Variants in RASAL2 observed in about 807,000 individuals in gnomAD.
RASAL2 encodes the protein RAS protein activator like 2.
A neutral mutation model predicts 128.9 loss-of-function variants in RASAL2; 58 were observed. That is an observed-to-expected ratio of 0.45 (90% CI 0.36 to 0.56). The LOEUF (loss-of-function observed/expected upper bound fraction) is 0.56, where lower values mean the gene tolerates loss of function less well. Ranked by LOEUF, RASAL2 falls within the 20% of genes least tolerant of loss-of-function variation. The pLI, the probability that RASAL2 is intolerant of heterozygous loss-of-function variation, is 0.00. For synonymous variants in RASAL2, 561 were observed against 580.8 expected (o/e 0.97, Z 0.49); for missense variants, 1,360 against 1,601.6 (o/e 0.85, Z 2.57).
At chr1:178,359,173 CGTTTTTT>C (rs1235046529) in intron 3 of RASAL2, among the ~76,000 whole-genome samples, 3 of 152,176 alleles carry the variant, frequency 2.0e-5, no homozygotes, top group Non-Finnish European at 4.4e-5. Flanking sequence ...AATGTCAACA[CGTTTTTT>C]GTTTTTTGTT....
At chr1:178,309,524 G>A (rs1319211157) in intron 3 of RASAL2, among the ~76,000 whole-genome samples, 15 of 152,060 alleles carry the variant, frequency 9.9e-5, no homozygotes, top group Admixed American at 9.8e-4. Flanking sequence ...AACCATGAGT[G>A]ACTATATATT....
chr1:178,281,131 T>C (rs10047148), intron 1 of RASAL2, among the ~76,000 whole-genome samples: 15,536 of 151,874 alleles, frequency 0.1, 828 homozygotes, highest in Middle Eastern at 0.14. Flanking sequence ...TTGTTTTTTT[T>C]CCCCCCTTGG....
At chr1:178,137,004 T>C (rs1660351723) in intron 1 of RASAL2, among the ~76,000 whole-genome samples, 2 of 152,068 alleles carry the variant, frequency 1.3e-5, no homozygotes, top group South Asian at 4.1e-4. Context: ...AGCCAGATCT[T>C]AAGGGCCTCT....
At chr1:178,277,185 A>T (rs2102193778) in intron 1 of RASAL2, among the ~76,000 whole-genome samples, 1 of 151,734 alleles carries the variant, frequency 6.6e-6, no homozygotes, top group East Asian at 1.9e-4. Flanking sequence ...AAACTTGTTA[A>T]TTGGCCTATT....
intron 1 of RASAL2, among the ~76,000 whole-genome samples, chr1:178,191,100 GAATTGTTAGCATGATCCTT>G: frequency 1.3e-5 from 2 of 152,258 alleles, no homozygotes; most frequent in East Asian, 3.9e-4. Flanking sequence ...CAGCCTAGCT[GAATTGTTAGCATGATCCTT>G]AATTAAAATC....
At chr1:178,128,861 T>A (rs977925603) in intron 1 of RASAL2, among the ~76,000 whole-genome samples, 1 of 152,134 alleles carries the variant, frequency 6.6e-6, no homozygotes, top group Non-Finnish European at 1.5e-5. Context: ...GAATTAGTAC[T>A]TCATTCTTTT....
rs768739345 is a variant in RASAL2 at position 178,441,553 on chromosome 1, C to T, written c.833C>T (p.Thr278Ile). Residue 278 changes from threonine (T) to isoleucine (I), a missense_variant, in exon 7 of 18, where the codon ACC (threonine) becomes ATC (isoleucine). Physicochemically the swap from Thr to Ile is moderately conservative, Grantham distance 89 (BLOSUM62 -1). This residue lies in a region of RASAL2 where 617 missense variants were observed against 714.2 expected (regional missense o/e 0.86). Coordinates refer to ENST00000367649, the MANE Select transcript of RASAL2 (RefSeq NM_170692.4). ...TGTCTAATTTTTATGTTGAAGGTTA[C>T]CTACTTAAGTGGAAGTAAATGCTTC... Reference protein sequence around the residue: ...ILGQDFCFEVTYLSGSKCFSC... With the variant: ...ILGQDFCFEVIYLSGSKCFSC... 3 of 1,611,142 alleles carry T rather than the reference C, an allele frequency of 1.9e-6. No individual in the cohort carries two copies. The highest frequency in any genetic ancestry group is 8.5e-7 in the Non-Finnish European group (1 of 1,178,142).
At chr1:178,260,365 T>A (rs373706067) in intron 1 of RASAL2, among the ~76,000 whole-genome samples, 1,236 of 3,976 alleles carry the variant, frequency 0.31, 464 homozygotes, top group Middle Eastern at 1. Flanking sequence ...AAAAAAAAAA[T>A]ATATATATAT....
intron 4 of RASAL2, among the ~76,000 whole-genome samples, chr1:178,398,905 T>A (rs1412176205): frequency 6.6e-6 from 1 of 152,200 alleles, no homozygotes; most frequent in Admixed American, 6.5e-5. Context: ...GTTCCTTCCC[T>A]GAACTAGTAC....
intron 3 of RASAL2, among the ~76,000 whole-genome samples, chr1:178,379,995 C>A (rs969928715): frequency 6.6e-6 from 1 of 152,212 alleles, no homozygotes; most frequent in Admixed American, 6.5e-5. Context: ...AGCCTCAGCG[C>A]CCCCTACCCG....
chr1:178,135,177 T>C (rs746398497), intron 1 of RASAL2, among the ~76,000 whole-genome samples: 2 of 152,164 alleles, frequency 1.3e-5, no homozygotes, highest in African/African-American at 2.4e-5. Context: ...AAAACGTCTA[T>C]AAAGCGTATC....
At chr1:178,226,282 G>C (rs569007560) in intron 1 of RASAL2, among the ~76,000 whole-genome samples, 3 of 151,984 alleles carry the variant, frequency 2.0e-5, no homozygotes, top group South Asian at 2.1e-4. Context: ...TTGTTTTTTG[G>C]GGGGGCATGT....
In RASAL2 at chr1:178,094,132, G is replaced by T. The variant is rs1658567999; in HGVS notation, c.-361G>T. ...GCCTGGTCTGACCGCGAGAGACGCC[G>T]GCGGGGCTGAAGAAGGCGGCTCCGA... is the stretch of plus-strand genomic sequence containing the variant. On this transcript the variant is annotated 5_prime_UTR_variant, in exon 1 of 18. Transcript: ENST00000367649. 3.7e-6 allele frequency: 1 copy of T among 271,106 alleles called. No homozygotes were observed. The highest frequency in any genetic ancestry group is 5.7e-5 in the Admixed American group (1 of 17,678). The allele number at this position is 271,106 out of a possible 1,614,324, so 16.8% of individuals were successfully genotyped here. A position where few individuals can be genotyped will look rare whatever the true frequency, so the allele number is the denominator to read the frequency against.
At chr1:178,117,900 CA>C (rs1659572189) in intron 1 of RASAL2, among the ~76,000 whole-genome samples, 1 of 152,186 alleles carries the variant, frequency 6.6e-6, no homozygotes, top group Admixed American at 6.5e-5. Context: ...CGTGGTGACT[CA>C]TACCTGTAAT....
intron 1 of RASAL2, among the ~76,000 whole-genome samples, chr1:178,146,470 C>T (rs1660734237): frequency 6.6e-6 from 1 of 152,144 alleles, no homozygotes; most frequent in South Asian, 2.1e-4. Context: ...TAAATTATTC[C>T]ATGAGATGCT....
At chr1:178,414,819 C>T (rs1674648705) in intron 4 of RASAL2, among the ~76,000 whole-genome samples, 1 of 152,010 alleles carries the variant, frequency 6.6e-6, no homozygotes, top group Non-Finnish European at 1.5e-5. Flanking sequence ...CTATTTCTTC[C>T]TGTATAAGTT....
At chr1:178,463,791 A>C (rs1306077432) in intron 14 of RASAL2, among the ~76,000 whole-genome samples, 1 of 152,142 alleles carries the variant, frequency 6.6e-6, no homozygotes, top group Non-Finnish European at 1.5e-5. Flanking sequence ...ATAAATGGGC[A>C]CTTTGTGAGT....
At chr1:178,438,424 A>G (rs986588976) in intron 5 of RASAL2, among the ~76,000 whole-genome samples, 1 of 151,882 alleles carries the variant, frequency 6.6e-6, no homozygotes, top group African/African-American at 2.4e-5. Flanking sequence ...TTTTATCCTT[A>G]TTACTAAGTA....
intron 2 of RASAL2, among the ~76,000 whole-genome samples, chr1:178,298,012 T>G (rs913842456): frequency 1.3e-5 from 2 of 152,176 alleles, no homozygotes; most frequent in Non-Finnish European, 2.9e-5. Context: ...ATAATAGGCA[T>G]TTTTAGAACT....
Sources: allele counts gnomAD v4.1 joint callset (sites outside exome capture counted in the v4.1 genomes callset), GRCh38; gene constraint gnomAD v4.1.1; regional missense constraint gnomAD v4.1.1; transcripts MANE v1.5; gene names NCBI Gene and HGNC (gene_info 2026-07-23, HGNC 2026-07-21).